CACNA1D: variants seen among roughly 807,000 people sequenced by gnomAD.
CACNA1D encodes voltage-dependent L-type calcium channel subunit alpha-1D.
CACNA1D carries 55 observed loss-of-function variants against 257.1 expected under a neutral mutation model. That is an observed-to-expected ratio of 0.21 (90% CI 0.17 to 0.27). CACNA1D has a LOEUF of 0.27. CACNA1D is among the 10% of genes least tolerant of loss of function. The pLI, the probability that CACNA1D is intolerant of heterozygous loss-of-function variation, is 1.00. For missense variants in CACNA1D, 1,876 were observed against 2,784.0 expected (o/e 0.67, Z 7.34); for synonymous variants, 980 against 1,014.9 (o/e 0.97, Z 0.65).
At chr3:53,611,891 C>T (rs915979156) in intron 3 of CACNA1D, among the ~76,000 whole-genome samples, 1 of 152,126 alleles carries the variant, frequency 6.6e-6, no homozygotes, top group African/African-American at 2.4e-5. Flanking sequence ...CATGCATAGA[C>T]AATACACCAA....
intron 8 of CACNA1D, among the ~76,000 whole-genome samples, chr3:53,687,245 G>A (rs996376577): frequency 6.6e-6 from 1 of 151,940 alleles, no homozygotes; most frequent in African/African-American, 2.4e-5. Flanking sequence ...AATCTCAATA[G>A]CCTTTCTTTT....
chr3:53,586,256 G>C (rs896935427), intron 3 of CACNA1D, among the ~76,000 whole-genome samples: 25 of 150,680 alleles, frequency 1.7e-4, no homozygotes, highest in Middle Eastern at 3.4e-3. Context: ...CTTTTCCACT[G>C]ACGTTTCCTT....
At chr3:53,690,064 G>A (rs536022410) in intron 8 of CACNA1D, among the ~76,000 whole-genome samples, 11 of 152,248 alleles carry the variant, frequency 7.2e-5, no homozygotes, top group Admixed American at 1.3e-4. Flanking sequence ...TTACAGATGA[G>A]GAAATCAAGA....
chr3:53,732,590 A>G (rs1184097273), intron 18 of CACNA1D, among the ~76,000 whole-genome samples: 1 of 152,090 alleles, frequency 6.6e-6, no homozygotes, highest in African/African-American at 2.4e-5. Context: ...GAATCTCATC[A>G]TTCCCGCAAA....
intron 37 of CACNA1D, among the ~76,000 whole-genome samples, chr3:53,778,430 C>T (rs964183287): frequency 6.6e-6 from 1 of 152,030 alleles, no homozygotes; most frequent in Non-Finnish European, 1.5e-5. Context: ...GAAGAGGGTG[C>T]CGGGGTTGGT....
intron 3 of CACNA1D, among the ~76,000 whole-genome samples, chr3:53,541,141 A>C (rs933557257): frequency 5.3e-5 from 8 of 152,222 alleles, no homozygotes; most frequent in Non-Finnish European, 7.3e-5. Context: ...TTGCGAGTAC[A>C]TCTATAAAGC....
intron 3 of CACNA1D, among the ~76,000 whole-genome samples, chr3:53,622,993 G>A (rs2093714605): frequency 6.6e-6 from 1 of 151,964 alleles, no homozygotes; most frequent in Non-Finnish European, 1.5e-5. Context: ...CCGGGTTCAA[G>A]CCATTCTCCT....
At chr3:53,508,651 G>C (rs2090968262) in intron 3 of CACNA1D, among the ~76,000 whole-genome samples, 1 of 152,180 alleles carries the variant, frequency 6.6e-6, no homozygotes, top group Non-Finnish European at 1.5e-5. Flanking sequence ...GTAGCAGATT[G>C]GTGGGTAGTT....
intron 5 of CACNA1D, among the ~76,000 whole-genome samples, chr3:53,661,843 A>G (rs2094206556): frequency 6.6e-6 from 1 of 152,210 alleles, no homozygotes; most frequent in Non-Finnish European, 1.5e-5. Context: ...TCCCCAACAG[A>G]CATCACTGTT....
At chr3:53,594,599 G>A (rs955975689) in intron 3 of CACNA1D, among the ~76,000 whole-genome samples, 2 of 152,260 alleles carry the variant, frequency 1.3e-5, no homozygotes, top group African/African-American at 4.8e-5. Flanking sequence ...AGGGTGGTCA[G>A]GGAAGGCCAT....
intron 3 of CACNA1D, among the ~76,000 whole-genome samples, chr3:53,531,347 C>T (rs1204962758): frequency 1.3e-5 from 2 of 152,054 alleles, no homozygotes; most frequent in Non-Finnish European, 2.9e-5. Context: ...TATAGTCTAA[C>T]TCTGATTTTT....
intron 3 of CACNA1D, among the ~76,000 whole-genome samples, chr3:53,581,634 G>T (rs2093134577): frequency 6.6e-6 from 1 of 152,214 alleles, no homozygotes; most frequent in Non-Finnish European, 1.5e-5. Context: ...GAACATCAGG[G>T]CTGACAAGAT....
At chr3:53,540,179 C>T (rs1575801051) in intron 3 of CACNA1D, among the ~76,000 whole-genome samples, 1 of 152,046 alleles carries the variant, frequency 6.6e-6, no homozygotes, top group East Asian at 1.9e-4. Context: ...AGTGCAGTGG[C>T]ATGATCTGAG....
intron 3 of CACNA1D, among the ~76,000 whole-genome samples, chr3:53,525,176 G>T (rs2091718559): frequency 6.6e-6 from 1 of 152,164 alleles, no homozygotes; most frequent in Admixed American, 6.5e-5. Context: ...AGGACTCTGG[G>T]CCGAATATTT....
chr3:53,711,859 G>A (rs2094760381), intron 9 of CACNA1D, among the ~76,000 whole-genome samples: 1 of 152,234 alleles, frequency 6.6e-6, no homozygotes, highest in African/African-American at 2.4e-5. Flanking sequence ...GAGAAGAGGA[G>A]GTGGAACTTG....
intron 3 of CACNA1D, among the ~76,000 whole-genome samples, chr3:53,615,501 A>C (rs966730406): frequency 6.6e-6 from 1 of 152,172 alleles, no homozygotes; most frequent in Non-Finnish European, 1.5e-5. Context: ...CCCGTGTTTA[A>C]ATTCGGTGGA....
At position 53,495,219 on chromosome 3, in the gene CACNA1D, C is replaced by G. The variant is rs765724402; in HGVS notation, c.53C>G (p.Ala18Gly). The change falls in exon 1 of 48, where the codon GCG becomes GGG. Residue 18 changes from alanine (A) to glycine (G), a missense_variant. By Grantham distance (60) the Ala-to-Gly change is moderately conservative (BLOSUM62 0). Around this residue, in one of 10 missense-constraint regions of CACNA1D, gnomAD observed 143 missense variants for 168.7 expected, o/e 0.85. Transcript: ENST00000350061. This position sits in a 1 kb window ranked among gnomAD's most constrained non-coding sequence, Gnocchi z 5.1. ...ATGCAGCATCAACGGCAGCAGCAAGCGGACCACGCGAACGGTGAGCAGCCA... is the reference window on the plus strand; with the variant it reads ...ATGCAGCATCAACGGCAGCAGCAAGGGGACCACGCGAACGGTGAGCAGCCA... ...KKMQHQRQQQ[A>G]DHANEANYAR... 2 of 1,613,608 alleles carry G rather than the reference C, an allele frequency of 1.2e-6. No individual in the cohort carries two copies. Among genetic ancestry groups the G allele is most frequent in the East Asian group, 4.5e-5 (2 of 44,864 alleles).
intron 20 of CACNA1D, among the ~76,000 whole-genome samples, chr3:53,737,034 C>T (rs571076993): frequency 4.1e-4 from 63 of 152,170 alleles, no homozygotes; most frequent in South Asian, 1.2e-3. Flanking sequence ...GGCGTGGTGG[C>T]TCACCTGTAA....
chr3:53,571,015 C>T (rs970552643), intron 3 of CACNA1D, among the ~76,000 whole-genome samples: 1 of 152,226 alleles, frequency 6.6e-6, no homozygotes, highest in African/African-American at 2.4e-5. Context: ...TGCTGGCTGC[C>T]TCAGTCCTTC....
Sources: allele counts gnomAD v4.1 joint callset (sites outside exome capture counted in the v4.1 genomes callset), GRCh38; gene constraint gnomAD v4.1.1; regional missense constraint gnomAD v4.1.1; non-coding constraint Gnocchi (gnomAD v3.1); transcripts MANE v1.5; gene names NCBI Gene and HGNC (gene_info 2026-07-23, HGNC 2026-07-21).